BPTF: variants seen among roughly 807,000 people sequenced by gnomAD.
The protein encoded by BPTF is bromodomain PHD finger transcription factor.
Under a neutral mutation model 292.5 loss-of-function variants are expected in BPTF, and 18 were observed. The observed-to-expected ratio is 0.06, with a 90% CI of 0.04 to 0.09. The LOEUF (loss-of-function observed/expected upper bound fraction) is 0.09, where lower values mean the gene tolerates loss of function less well. Among genes scored for constraint, BPTF ranks in the 10% least tolerant of loss-of-function variants. BPTF has a pLI of 1.00. For missense variants in BPTF, 2,726 were observed against 3,498.7 expected, an observed-to-expected ratio of 0.78 and a Z score of 5.57; for synonymous variants, 1,225 against 1,251.9, an observed-to-expected ratio of 0.98 and a Z score of 0.45.
chr17:67,961,750 G>C (rs1555684208), intron 24 of BPTF, among the ~76,000 whole-genome samples: 1 of 152,050 alleles, frequency 6.6e-6, no homozygotes, highest in African/African-American at 2.4e-5. Context: ...GAGGTGGACG[G>C]ATCACCTGAG....
At position 67,975,812 on chromosome 17, in the gene BPTF, T is replaced by C; in HGVS notation, c.8580T>C (p.Tyr2860=). 1 of 1,614,058 alleles carries C rather than the reference T, an allele frequency of 6.2e-7. No homozygotes were observed. The highest frequency in any genetic ancestry group is 1.3e-5 in the African/African-American group (1 of 75,054). ...TMEERVQRRY[Y]EKLTEFVADM... is the part of the protein sequence containing the mutation. ...AAGAAAGAGTACAAAGACGATATTA[T>C]GAAAAGCTGACGGAATTTGTGGCAG... Residue 2860 remains tyrosine (Y), a synonymous_variant, in exon 27 of 28, where the codon TAT becomes TAC. Transcript: ENST00000306378.
At chr17:67,968,631 A>G (rs1313498237) in intron 26 of BPTF, among the ~76,000 whole-genome samples, 1 of 150,908 alleles carries the variant, frequency 6.6e-6, no homozygotes, top group Admixed American at 6.6e-5. Flanking sequence ...TACTAAAAAT[A>G]CAAAAAATTA....
chr17:67,894,086 T>C lies in BPTF; in HGVS notation c.2464T>C (p.Leu822=), dbSNP rs776509678. 6.2e-6 allele frequency: 10 copies of C among 1,614,002 alleles called. No homozygotes were observed. In the East Asian group the frequency reaches 1.1e-4, roughly 18 times the overall value. ...QMCSKPREFA[L]ALAILECAVK... is the part of the protein sequence containing the mutation. ...GTGTAGCAAACCCAGAGAATTTGCA[T>C]TGGCTTTAGCCATTTTGGAGTGTGC... Residue 822 remains leucine, a synonymous_variant, in exon 7 of 28, where the codon TTG becomes CTG. Coordinates refer to ENST00000306378, the MANE Select transcript of BPTF (RefSeq NM_182641.4).
chr17:67,937,182 G>A (rs1029113867), intron 18 of BPTF, among the ~76,000 whole-genome samples: 21 of 152,058 alleles, frequency 1.4e-4, no homozygotes, highest in Admixed American at 8.5e-4. Context: ...CTGGCCGGGC[G>A]CGATAGCTCA....
At chr17:67,917,225 T>C (rs991549098) in intron 11 of BPTF, among the ~76,000 whole-genome samples, 3 of 149,164 alleles carry the variant, frequency 2.0e-5, no homozygotes, top group African/African-American at 7.4e-5. Context: ...CTCTGCCCTC[T>C]GGGTTCGAGC....
intron 1 of BPTF, among the ~76,000 whole-genome samples, chr17:67,852,143 A>C (rs1351436729): frequency 6.6e-6 from 1 of 152,104 alleles, no homozygotes; most frequent in Non-Finnish European, 1.5e-5. Flanking sequence ...GTCTATGTTC[A>C]ATTCTATAAA....
intron 15 of BPTF, among the ~76,000 whole-genome samples, chr17:67,927,609 T>G (rs1247323474): frequency 1.3e-5 from 2 of 152,178 alleles, no homozygotes; most frequent in Admixed American, 1.3e-4. Context: ...CAGAAACCTT[T>G]CACAGCTCCA....
chr17:67,872,440 G>C (rs1352902396), intron 3 of BPTF, among the ~76,000 whole-genome samples: 2 of 152,154 alleles, frequency 1.3e-5, no homozygotes, highest in African/African-American at 4.8e-5. Flanking sequence ...ATGGCCGGGC[G>C]TGGTGGCTCA....
At chr17:67,973,254 G>T (rs2068997646) in intron 26 of BPTF, among the ~76,000 whole-genome samples, 2 of 150,396 alleles carry the variant, frequency 1.3e-5, no homozygotes, top group Admixed American at 1.3e-4. Context: ...GATGCCTGTA[G>T]TCCTAGCTAC....
At chr17:67,863,005 T>C (rs1257514837) in intron 2 of BPTF, among the ~76,000 whole-genome samples, 1 of 152,122 alleles carries the variant, frequency 6.6e-6, no homozygotes, top group Non-Finnish European at 1.5e-5. Flanking sequence ...TTGAGTATGT[T>C]AGCAGCAGCA....
intron 3 of BPTF, among the ~76,000 whole-genome samples, chr17:67,874,374 T>A (rs1009335498): frequency 2.9e-4 from 44 of 152,116 alleles, no homozygotes; most frequent in African/African-American, 1.0e-3. Context: ...CTGGAGAGGT[T>A]AGGTAGCTTG....
At chr17:67,924,170 G>A (rs1490069795) in intron 14 of BPTF, among the ~76,000 whole-genome samples, 2 of 152,196 alleles carry the variant, frequency 1.3e-5, no homozygotes, top group Admixed American at 1.3e-4. Context: ...TAGTAGAGAT[G>A]GGTCGAACTC....
At position 67,854,205 on chromosome 17, in the gene BPTF, A is replaced by C. The variant is rs1401626368; in HGVS notation, c.879A>C (p.Ala293=). ...AGATGCATGTTGTGCTTTTGAAAGCAGTTCTGCGTGAAGAAGACACTTCCA... is the reference window on the plus strand; with the variant it reads ...AGATGCATGTTGTGCTTTTGAAAGCCGTTCTGCGTGAAGAAGACACTTCCA... The part of the protein sequence containing the change: ...MAEMHVVLLK[A]VLREEDTSNT... The change falls in exon 2 of 28, where the codon GCA becomes GCC. Residue 293 remains alanine, a synonymous_variant. Coordinates refer to ENST00000306378, the MANE Select transcript of BPTF (RefSeq NM_182641.4). This position sits in a 1 kb window ranked among gnomAD's most constrained non-coding sequence, Gnocchi z 5.6. The C allele has an allele frequency of 6.2e-7, 1 of 1,614,240 alleles. No homozygotes were observed. Among genetic ancestry groups the C allele is most frequent in the Non-Finnish European group, 8.5e-7 (1 of 1,180,046 alleles).
chr17:67,931,937 T>A lies in BPTF; in HGVS notation c.6177T>A (p.Pro2059=). ...SQVITGPQIR[P]GMTVIRTPLQ... ...TAATCACAGGGCCTCAGATTCGCCC[T>A]GGTATGACCGTGATTAGAACACCAC... The change falls in exon 18 of 28, where the codon CCT becomes CCA. Residue 2059 remains proline, a synonymous_variant. Coordinates refer to ENST00000306378, the MANE Select transcript of BPTF (RefSeq NM_182641.4). 6.2e-7 allele frequency: 1 copy of A among 1,613,908 alleles called. No individual in the cohort carries two copies. The highest frequency in any genetic ancestry group is 8.5e-7 in the Non-Finnish European group (1 of 1,179,938).
intron 3 of BPTF, among the ~76,000 whole-genome samples, chr17:67,869,943 A>G (rs1188314435): frequency 6.8e-6 from 1 of 146,120 alleles, no homozygotes; most frequent in African/African-American, 2.5e-5. Flanking sequence ...CAGAGCTTGC[A>G]GTGAGCCGAG....
At chr17:67,953,279 C>T (rs1346426577) in intron 23 of BPTF, among the ~76,000 whole-genome samples, 12 of 106,108 alleles carry the variant, frequency 1.1e-4, no homozygotes, top group African/African-American at 4.1e-4. Flanking sequence ...TTTTTTGAGA[C>T]GGAGTCTTAC....
chr17:67,899,533 CTTT>C (rs573598642), intron 7 of BPTF, among the ~76,000 whole-genome samples: 10 of 135,060 alleles, frequency 7.4e-5, no homozygotes, highest in Non-Finnish European at 4.8e-5. Context: ...AGTTTTTTTT[CTTT>C]TTTTTTTTTT....
At chr17:67,884,772 T>C (rs1389079749) in intron 4 of BPTF, among the ~76,000 whole-genome samples, 1 of 152,070 alleles carries the variant, frequency 6.6e-6, no homozygotes, top group Non-Finnish European at 1.5e-5. Context: ...CTCCAATGAA[T>C]AGCTAGCTCT....
chr17:67,866,293 T>A (rs924019598), intron 2 of BPTF, among the ~76,000 whole-genome samples, 171 bp from the exon 3 acceptor site: 1 of 152,180 alleles, frequency 6.6e-6, no homozygotes, highest in South Asian at 2.1e-4. Context: ...TTTTTAGATA[T>A]CATTTCTCAG....
Sources: gnomAD v4.1 joint callset for allele counts (sites outside exome capture counted in the v4.1 genomes callset) on GRCh38, gnomAD v4.1.1 for gene constraint, Gnocchi (gnomAD v3.1) non-coding constraint, MANE v1.5 for transcripts, NCBI Gene and HGNC (gene_info 2026-07-23, HGNC 2026-07-21) for gene names.